CRACR2A: variants seen among roughly 807,000 people sequenced by gnomAD.
CRACR2A encodes EF-hand calcium-binding domain-containing protein 4B.
In CRACR2A, 79 loss-of-function variants were observed where a neutral mutation model predicts 90.5. That is an observed-to-expected ratio of 0.87 (90% CI 0.73 to 1.05). The LOEUF is 1.05. CRACR2A is among the 50% of genes least tolerant of loss of function. CRACR2A has a pLI of 0.00. For synonymous variants in CRACR2A, 338 were observed against 356.7 expected, an observed-to-expected ratio of 0.95 and a Z score of 0.59; for missense variants, 823 against 897.2, an observed-to-expected ratio of 0.92 and a Z score of 1.06.
intron 1 of CRACR2A, among the ~76,000 whole-genome samples, chr12:3,734,525 G>C (rs547359044): frequency 3.3e-5 from 5 of 152,010 alleles, no homozygotes; most frequent in Non-Finnish European, 7.4e-5. Context: ...AGTCATCTCC[G>C]CACTCCCGTG....
chr12:3,688,963 A>G (rs1486571071), intron 4 of CRACR2A, among the ~76,000 whole-genome samples: 4 of 152,024 alleles, frequency 2.6e-5, no homozygotes, highest in Admixed American at 2.6e-4. Flanking sequence ...TTTTGTGGCA[A>G]TTGTGAATGG....
chr12:3,678,847 T>C (rs1291436699), intron 6 of CRACR2A, 68 bp downstream of exon 6: 1 of 1,496,102 alleles, frequency 6.7e-7, no homozygotes, highest in African/African-American at 1.4e-5. Flanking sequence ...ATGTTAATTG[T>C]TGAATGGACA....
chr12:3,712,113 A>AC (rs929973848), intron 3 of CRACR2A, among the ~76,000 whole-genome samples: 1 of 152,088 alleles, frequency 6.6e-6, no homozygotes, highest in African/African-American at 2.4e-5. Flanking sequence ...TCCTGTCTCA[A>AC]CCCCATCTGT....
intron 7 of CRACR2A, among the ~76,000 whole-genome samples, chr12:3,672,128 T>C (rs927563064): frequency 2.6e-5 from 4 of 152,214 alleles, no homozygotes; most frequent in African/African-American, 4.8e-5. Flanking sequence ...TTCCTCATAA[T>C]GCAGAGTCCT....
chr12:3,646,189 C>T (rs937533553), intron 11 of CRACR2A, among the ~76,000 whole-genome samples: 31 of 152,188 alleles, frequency 2.0e-4, no homozygotes, highest in African/African-American at 6.5e-4. Flanking sequence ...TTGACTGGGT[C>T]GCAGCGCGAC....
intron 7 of CRACR2A, among the ~76,000 whole-genome samples, chr12:3,667,468 G>A (rs2137545427): frequency 6.6e-6 from 1 of 152,344 alleles, no homozygotes; most frequent in East Asian, 1.9e-4. Context: ...AAGATTATGG[G>A]AGGGGCTTGA....
chr12:3,701,989 G>C (rs959168464), intron 3 of CRACR2A, among the ~76,000 whole-genome samples: 1 of 152,098 alleles, frequency 6.6e-6, no homozygotes, highest in South Asian at 2.1e-4. Flanking sequence ...GTTTATCTGA[G>C]AAATGCAAGA....
intron 2 of CRACR2A, among the ~76,000 whole-genome samples, chr12:3,722,008 A>G (rs1946186713): frequency 6.6e-6 from 1 of 152,202 alleles, no homozygotes; most frequent in African/African-American, 2.4e-5. Context: ...GCTCACTGTC[A>G]GTGTTTCAAT....
chr12:3,719,417 G>T (rs1591709669), intron 2 of CRACR2A, among the ~76,000 whole-genome samples: 1 of 152,192 alleles, frequency 6.6e-6, no homozygotes, highest in South Asian at 2.1e-4. Flanking sequence ...GGTGTGCAGA[G>T]ATAGGAAATC....
intron 13 of CRACR2A, among the ~76,000 whole-genome samples, chr12:3,641,066 C>T (rs1027034448): frequency 2.0e-5 from 3 of 152,182 alleles, no homozygotes; most frequent in African/African-American, 7.2e-5. Flanking sequence ...AGTGCATTGG[C>T]CGGGCACGGT....
intron 7 of CRACR2A, among the ~76,000 whole-genome samples, chr12:3,664,173 A>C (rs139808015): frequency 6.6e-6 from 1 of 152,322 alleles, no homozygotes; most frequent in East Asian, 1.9e-4. Flanking sequence ...AAAAGGTACA[A>C]ACTATTGGTT....
Position 3,619,296 on chromosome 12 carries a change from CG to C in CRACR2A, c.2008del (p.Arg670GlyfsTer13). The C allele has an allele frequency of 6.4e-7, 1 of 1,551,646 alleles. No individual in the cohort carries two copies. Among genetic ancestry groups the C allele is most frequent in the Non-Finnish European group, 8.7e-7 (1 of 1,146,980 alleles). ...LDNEKEREVP[R>X]GLGEQLATEN... ...CGTGGCAAGCTGCTCTCCGAGGCCC[CG>C]GGGGACTTCCCGCTCCTTCTCGTTG... is the stretch of plus-strand genomic sequence containing the variant. On this transcript the variant is annotated frameshift_variant, in exon 18 of 20. Coordinates refer to ENST00000440314, the MANE Select transcript of CRACR2A (RefSeq NM_001144958.2). LOFTEE classifies it high-confidence loss of function.
chr12:3,680,448 C>T (rs950428484), intron 4 of CRACR2A, 99 bp from the exon 5 acceptor site: 9 of 939,258 alleles, frequency 9.6e-6, no homozygotes, highest in African/African-American at 1.6e-5. Flanking sequence ...GTCTAGAGTT[C>T]GGCCCAGTCC....
intron 3 of CRACR2A, among the ~76,000 whole-genome samples, chr12:3,712,787 C>A (rs1307736736): frequency 6.6e-6 from 1 of 152,156 alleles, no homozygotes; most frequent in Admixed American, 6.5e-5. Flanking sequence ...AGTAAACACA[C>A]CCTCCTCATT....
At chr12:3,638,514 C>A in intron 13 of CRACR2A, 60 bp from the exon 14 acceptor site, 1 of 1,462,926 alleles carries the variant, frequency 6.8e-7, no homozygotes, top group Non-Finnish European at 9.1e-7. Flanking sequence ...TCAATACGGG[C>A]TGCATAACAG....
Position 3,664,581 on chromosome 12 carries a change from C to G in CRACR2A, c.672-4927G>C, listed in dbSNP as rs11835951. On this transcript the variant is annotated intron_variant, in intron 7 of 19. Transcript: ENST00000440314. Reference sequence around the variant, plus strand: ...TTACTTCAAAACATTCCCCGTTTATCTTCCTATACTCATGCCATTGGAAAA... The same window carrying G: ...TTACTTCAAAACATTCCCCGTTTATGTTCCTATACTCATGCCATTGGAAAA... Among the ~76,000 whole-genome samples, 818 of 152,260 alleles carry G rather than the reference C, an allele frequency of 5.4e-3. 9 individuals are homozygous for G. The highest frequency in any genetic ancestry group is 0.018 in the African/African-American group (755 of 41,544).
In CRACR2A at chr12:3,707,657, A is replaced by T; in HGVS notation, c.-37+5580T>A. Among the ~76,000 whole-genome samples the T allele has an allele frequency of 1.3e-5, 2 of 152,242 alleles. 1 individual carries two copies. On this transcript the variant is annotated intron_variant, in intron 3 of 19. Coordinates refer to ENST00000440314, the MANE Select transcript of CRACR2A (RefSeq NM_001144958.2). ...AAAGAAACTGCTACAAAATTTATCA[A>T]CATTAAAAAAGTGTCTGCTTTCTTC...
intron 17 of CRACR2A, among the ~76,000 whole-genome samples, chr12:3,623,315 G>A (rs994140114): frequency 5.3e-5 from 8 of 152,066 alleles, no homozygotes; most frequent in Admixed American, 2.0e-4. Context: ...TGGTCTATTC[G>A]GCTTAACTCC....
chr12:3,749,753 A>C (rs1268186601), intron 1 of CRACR2A, among the ~76,000 whole-genome samples: 2 of 151,474 alleles, frequency 1.3e-5, no homozygotes, highest in East Asian at 3.9e-4. Context: ...GGATGAGTGG[A>C]ACAATGTGCT....
Sources: gnomAD v4.1 joint callset for allele counts (sites outside exome capture counted in the v4.1 genomes callset) on GRCh38, gnomAD v4.1.1 for gene constraint, MANE v1.5 for transcripts, NCBI Gene and HGNC (gene_info 2026-07-23, HGNC 2026-07-21) for gene names.